Variants in MASTL observed in about 807,000 individuals in gnomAD.
MASTL encodes the protein serine/threonine-protein kinase greatwall.
A neutral mutation model predicts 82.5 loss-of-function variants in MASTL; 54 were observed. That is an observed-to-expected ratio of 0.65 (90% CI 0.53 to 0.82). MASTL has a LOEUF of 0.82. MASTL is among the 40% of genes least tolerant of loss of function. The probability of loss-of-function intolerance (pLI) is 0.00; values close to 1 mark genes in which losing one functional copy is unlikely to be tolerated. For synonymous variants in MASTL, 323 were observed against 368.9 expected, an observed-to-expected ratio of 0.88 and a Z score of 1.43; for missense variants, 950 against 1,047.8, an observed-to-expected ratio of 0.91 and a Z score of 1.29.
chr10:27,181,794 G>A (rs1318007087), intron 11 of MASTL, among the ~76,000 whole-genome samples: 2 of 152,090 alleles, frequency 1.3e-5, no homozygotes, highest in Non-Finnish European at 1.5e-5. Context: ...ACAAAAATTG[G>A]CCGGGTGTGG....
At chr10:27,165,214 A>G (rs1292195561) in intron 5 of MASTL, 44 bp downstream of exon 5, 1 of 1,427,100 alleles carries the variant, frequency 7.0e-7, no homozygotes, top group African/African-American at 1.4e-5. Context: ...CCCCTTCATG[A>G]TCACCACTTA....
chr10:27,165,376 C>G lies in MASTL; in HGVS notation c.661-13C>G. The G allele has an allele frequency of 6.2e-7, 1 of 1,611,338 alleles. No homozygotes were observed. On this transcript the variant is annotated splice_polypyrimidine_tract_variant and intron_variant, in intron 5 of 11. Transcript: ENST00000375940. Reference sequence around the variant, plus strand: ...AGGTAAACCTGTTGTTTTTATTTTTCTCTTTTTAATAGAACACACCAATTG... The same window carrying G: ...AGGTAAACCTGTTGTTTTTATTTTTGTCTTTTTAATAGAACACACCAATTG...
chr10:27,161,065 T>G, intron 3 of MASTL, 29 bp from the exon 4 acceptor site: 1 of 1,427,774 alleles, frequency 7.0e-7, no homozygotes. Flanking sequence ...CTTTTTTGGT[T>G]ATCTAATATT....
At chr10:27,179,564 AAACAAACAAAG>A (rs2058208379) in intron 9 of MASTL, among the ~76,000 whole-genome samples, 1 of 152,206 alleles carries the variant, frequency 6.6e-6, no homozygotes, top group Middle Eastern at 3.2e-3. Context: ...CTCAAAAAAC[AAACAAACAAAG>A]AAAAAAAACT....
At chr10:27,154,533 A>G, upstream of MASTL, 1 of 455,404 alleles carries the variant, frequency 2.2e-6, no homozygotes. Context: ...CTGTTTTTTA[A>G]GGGGAGAACA....
chr10:27,182,562 A>G (rs375184171), intron 11 of MASTL, among the ~76,000 whole-genome samples: 25 of 152,212 alleles, frequency 1.6e-4, no homozygotes, highest in African/African-American at 4.8e-4. Flanking sequence ...CCTGGGCAAC[A>G]TGGTGAAACT....
At chr10:27,155,098 A>T (rs994293115), upstream of MASTL, 19 of 321,242 alleles carry the variant, frequency 5.9e-5, no homozygotes, top group Non-Finnish European at 1.1e-4. Flanking sequence ...AGCCAGGAGA[A>T]ATCTCTTCAA....
upstream of MASTL, chr10:27,154,514 G>T (rs984468681): frequency 6.2e-6 from 3 of 483,264 alleles, no homozygotes; most frequent in African/African-American, 5.9e-5. Flanking sequence ...CGCCCCCAAA[G>T]GTCTTTAGCT....
At chr10:27,182,227 G>A (rs565180260) in intron 11 of MASTL, among the ~76,000 whole-genome samples, 115 of 148,254 alleles carry the variant, frequency 7.8e-4, no homozygotes, top group African/African-American at 2.8e-3. Flanking sequence ...CTCCAGCCTG[G>A]GCGACAGAGA....
Sources: allele counts gnomAD v4.1 joint callset (sites outside exome capture counted in the v4.1 genomes callset), GRCh38; gene constraint gnomAD v4.1.1; transcripts MANE v1.5; gene names NCBI Gene and HGNC (gene_info 2026-07-23, HGNC 2026-07-21).